Variants in OLA1 observed in about 807,000 individuals in gnomAD.
OLA1 encodes the protein obg-like ATPase 1.
In OLA1, 14 loss-of-function variants were observed where a neutral mutation model predicts 48.4. That is an observed-to-expected ratio of 0.29 (90% confidence interval 0.19 to 0.45). The LOEUF (loss-of-function observed/expected upper bound fraction) is 0.45, where lower values mean the gene tolerates loss of function less well. Ranked by LOEUF, OLA1 falls within the 20% of genes least tolerant of loss-of-function variation. The probability of loss-of-function intolerance (pLI) is 1.00; values close to 1 mark genes in which losing one functional copy is unlikely to be tolerated. For missense variants in OLA1, 325 were observed against 467.1 expected (o/e 0.70, Z 2.80); for synonymous variants, 127 against 150.4 (o/e 0.84, Z 1.14).
intron 7 of OLA1, among the ~76,000 whole-genome samples, chr2:174,087,746 T>C (rs936927982): frequency 6.6e-6 from 1 of 152,192 alleles, no homozygotes; most frequent in Admixed American, 6.5e-5. Context: ...TATTGTATTA[T>C]TTTCCCCACC....
At chr2:174,122,283 G>A (rs1685931253) in intron 7 of OLA1, among the ~76,000 whole-genome samples, 1 of 152,106 alleles carries the variant, frequency 6.6e-6, no homozygotes, top group Admixed American at 6.5e-5. Flanking sequence ...TTAACCATCT[G>A]ACATTAATTA....
chr2:174,143,974 T>G (rs1412623226), intron 4 of OLA1, among the ~76,000 whole-genome samples: 1 of 150,628 alleles, frequency 6.6e-6, no homozygotes, highest in African/African-American at 2.4e-5. Context: ...CATGGTGGTA[T>G]GCGCTTATAC....
At chr2:174,124,581 C>CTGAAAGG (rs758015380) in intron 5 of OLA1, among the ~76,000 whole-genome samples, 24 of 152,214 alleles carry the variant, frequency 1.6e-4, no homozygotes, top group South Asian at 4.1e-4. Flanking sequence ...TAATAAAAGG[C>CTGAAAGG]TCTGGGGTCT....
intron 4 of OLA1, among the ~76,000 whole-genome samples, chr2:174,221,074 A>G (rs1180332865): frequency 6.6e-6 from 1 of 152,182 alleles, no homozygotes; most frequent in African/African-American, 2.4e-5. Context: ...TGCTTTATGT[A>G]CTATACAATG....
At chr2:174,135,244 A>G (rs1686282364) in intron 5 of OLA1, among the ~76,000 whole-genome samples, 1 of 151,968 alleles carries the variant, frequency 6.6e-6, no homozygotes, top group African/African-American at 2.4e-5. Flanking sequence ...TAAAATCAGT[A>G]CGTTTAAAGT....
chr2:174,091,503 G>A, intron 7 of OLA1, among the ~76,000 whole-genome samples: 1 of 152,150 alleles, frequency 6.6e-6, no homozygotes, highest in East Asian at 1.9e-4. Flanking sequence ...TAACTTTATG[G>A]CATATGCCAG....
chr2:174,078,029 T>C (rs1367018947), intron 10 of OLA1, among the ~76,000 whole-genome samples: 1 of 152,028 alleles, frequency 6.6e-6, no homozygotes, highest in Non-Finnish European at 1.5e-5. Context: ...ATGGTTCTCA[T>C]TCAACATTGA....
intron 4 of OLA1, among the ~76,000 whole-genome samples, chr2:174,151,215 T>C (rs1198168355): frequency 1.3e-5 from 2 of 152,174 alleles, no homozygotes. Flanking sequence ...AGGGAATCGC[T>C]GTTCTCTACA....
At chr2:174,148,153 G>A (rs1405783746) in intron 4 of OLA1, among the ~76,000 whole-genome samples, 2 of 152,210 alleles carry the variant, frequency 1.3e-5, no homozygotes, top group Non-Finnish European at 2.9e-5. Context: ...TTGGGAGGCC[G>A]AGGCGGGCAG....
At chr2:174,238,435 A>G (rs1269316797) in intron 2 of OLA1, among the ~76,000 whole-genome samples, 1 of 149,944 alleles carries the variant, frequency 6.7e-6, no homozygotes, top group African/African-American at 2.5e-5. Context: ...TGGAGGCTGC[A>G]GTGAGCCAAG....
At chr2:174,144,951 A>AAAAAAAAATATATAT (rs1181030817) in intron 4 of OLA1, among the ~76,000 whole-genome samples, 4 of 40,276 alleles carry the variant, frequency 9.9e-5, no homozygotes, top group Non-Finnish European at 1.6e-4. Flanking sequence ...AAAAAAAAAA[A>AAAAAAAAATATATAT]ATATATATAT....
rs115883886 is a variant in OLA1, at chr2:174,083,461, A to G, written c.729-1397T>C. On this transcript the variant is annotated intron_variant, in intron 7 of 10. Coordinates refer to ENST00000284719, the MANE Select transcript of OLA1 (RefSeq NM_013341.5). ...TTTAGTATGTTATTTGTGGTTTTCA[A>G]TCTTCATAATAGTATTTTTTCTTTT... 8.6e-3 allele frequency among the ~76,000 whole-genome samples: 1,312 copies of G among 152,228 alleles called. 21 individuals carry two copies. Among genetic ancestry groups the G allele is most frequent in the African/African-American group, 0.029 (1,202 of 41,544 alleles).
intron 2 of OLA1, among the ~76,000 whole-genome samples, chr2:174,237,886 C>T (rs1458260582): frequency 6.6e-6 from 1 of 152,198 alleles, no homozygotes; most frequent in African/African-American, 2.4e-5. Context: ...GGCTTGTTTA[C>T]ACTAGCATCA....
chr2:174,220,534 T>C (rs1167761984), intron 4 of OLA1, among the ~76,000 whole-genome samples: 1 of 152,198 alleles, frequency 6.6e-6, no homozygotes, highest in East Asian at 1.9e-4. Context: ...TATAAGCTCA[T>C]GAGAAAAATG....
In OLA1 at chr2:174,104,197, G is replaced by C. The variant is rs552050177; in HGVS notation, c.728+18983C>G. Among the ~76,000 whole-genome samples, 7 of 151,080 alleles carry C rather than the reference G, an allele frequency of 4.6e-5. No individual in the cohort carries two copies. In the South Asian group the frequency reaches 1.5e-3, roughly 32 times the overall value. On this transcript the variant is annotated intron_variant, in intron 7 of 10. Transcript: ENST00000284719. ...CTATATAATTACTTAATTACCCGAAGGACAAGAATGGTTCCAGAGAGCCAT... is the reference window on the plus strand; with the variant it reads ...CTATATAATTACTTAATTACCCGAACGACAAGAATGGTTCCAGAGAGCCAT...
At chr2:174,177,049 T>A (rs1484144154) in intron 4 of OLA1, among the ~76,000 whole-genome samples, 2 of 152,058 alleles carry the variant, frequency 1.3e-5, no homozygotes, top group East Asian at 3.8e-4. Context: ...CACCAGCAAT[T>A]TCCTAACCAA....
chr2:174,093,751 G>A (rs1685181224), intron 7 of OLA1, among the ~76,000 whole-genome samples: 1 of 152,192 alleles, frequency 6.6e-6, no homozygotes, highest in Admixed American at 6.5e-5. Flanking sequence ...AACTCAGTTA[G>A]CTACAAGAAA....
intron 7 of OLA1, among the ~76,000 whole-genome samples, chr2:174,111,020 T>C (rs1685635424): frequency 6.6e-6 from 1 of 152,250 alleles, no homozygotes; most frequent in African/African-American, 2.4e-5. Flanking sequence ...CTTAGAATTA[T>C]GATAAATAAA....
At chr2:174,197,262 T>TA (rs1298356968) in intron 4 of OLA1, among the ~76,000 whole-genome samples, 1 of 152,184 alleles carries the variant, frequency 6.6e-6, no homozygotes, top group Non-Finnish European at 1.5e-5. Context: ...ACCCAAGCTC[T>TA]AAAGGCCTAA....
Sources: allele counts gnomAD v4.1 joint callset (sites outside exome capture counted in the v4.1 genomes callset), GRCh38; gene constraint gnomAD v4.1.1; transcripts MANE v1.5; gene names NCBI Gene and HGNC (gene_info 2026-07-23, HGNC 2026-07-21).